AHNAK2: variants seen among roughly 807,000 people sequenced by gnomAD.
The protein encoded by AHNAK2 is AHNAK nucleoprotein 2.
A neutral mutation model predicts 30.7 loss-of-function variants in AHNAK2; 18 were observed. The ratio of observed to expected loss-of-function variants is 0.59; its 90% confidence interval spans 0.41 to 0.87. The LOEUF (loss-of-function observed/expected upper bound fraction) is 0.87, where lower values mean the gene tolerates loss of function less well. Among genes scored for constraint, AHNAK2 ranks in the 40% least tolerant of loss-of-function variants. The pLI is 0.00. For synonymous variants in AHNAK2, 3,590 were observed against 3,073.8 expected, an observed-to-expected ratio of 1.17 and a Z score of -5.56; for missense variants, 8,604 against 7,373.0, an observed-to-expected ratio of 1.17 and a Z score of -6.11.
Position 104,951,647 on chromosome 14 carries a change from G to A in AHNAK2, c.3804C>T (p.Val1268=), listed in dbSNP as rs780736933. 8.8e-6 allele frequency: 11 copies of A among 1,246,214 alleles called. 4 individuals carry two copies. Among genetic ancestry groups the A allele is most frequent in the South Asian group, 4.3e-5 (3 of 70,032 alleles). 77.2% of individuals were successfully genotyped at this position (1,246,214 alleles called of 1,614,324 possible). Residue 1268 remains valine, a synonymous_variant, in exon 7 of 7, where the codon GTC becomes GTT. Coordinates refer to ENST00000333244, the MANE Select transcript of AHNAK2 (RefSeq NM_138420.4). ...CTTTCAGGTCCAGCTTGGGGCCCCT[G>A]ACTTCCACCTGGGGGCCCTTGAGGT... The part of the protein sequence containing the change: ...KVDLKGPQVE[V]RGPKLDLKGH...
chr14:104,952,093 G>A lies in AHNAK2; in HGVS notation c.3358C>T (p.Pro1120Ser), dbSNP rs372755911. ...CTGGGCAGAGACACCTCCACATCAG[G>A]GGCTGTGACTTCCGCCTTGGGGCTT... The part of the protein sequence containing the change: ...LKSPKAEVTA[P>S]DVEVSLPSVE... Residue 1120 changes from proline (P) to serine (S), a missense_variant, in exon 7 of 7, where the codon CCT becomes TCT. By Grantham distance (74) the Pro-to-Ser change is moderately conservative. Coordinates refer to ENST00000333244, the MANE Select transcript of AHNAK2 (RefSeq NM_138420.4). 2.2e-5 allele frequency: 35 copies of A among 1,612,642 alleles called. 1 individual carries two copies. In the Middle Eastern group the frequency reaches 3.5e-3, roughly 160 times the overall value.
chr14:104,967,577 C>A (rs1398545808), intron 1 of AHNAK2, among the ~76,000 whole-genome samples: 2 of 152,210 alleles, frequency 1.3e-5, no homozygotes, highest in South Asian at 2.1e-4. Context: ...CTGGCCCACG[C>A]GGGACAGTCC....
At chr14:104,962,021 G>GCAAAACTGAAAAAC (rs1286063178) in intron 1 of AHNAK2, among the ~76,000 whole-genome samples, 1 of 152,114 alleles carries the variant, frequency 6.6e-6, no homozygotes, top group Non-Finnish European at 1.5e-5. Context: ...TTGAAACACT[G>GCAAAACTGAAAAAC]CAGTAAAAAC....
In AHNAK2 at chr14:104,938,836, T is replaced by A; in HGVS notation, c.16615A>T (p.Thr5539Ser). 6.2e-7 allele frequency: 1 copy of A among 1,613,812 alleles called. No individual in the cohort carries two copies. The highest frequency in any genetic ancestry group is 1.1e-5 in the South Asian group (1 of 91,070). ...CCCTCCTGAGTCCTAGAGTGTTGAG[T>A]CATTGTTGTGTACACTCTAGCCTGC... ...HTQARVYTTM[T>S]QHSRTQEGTE... is the part of the protein sequence containing the mutation. The change falls in exon 7 of 7, where the codon ACT becomes TCT. Residue 5539 changes from threonine (T) to serine (S), a missense_variant. Transcript: ENST00000333244.
At position 104,942,642 on chromosome 14, in the gene AHNAK2, G is replaced by A. The variant is rs1566898865; in HGVS notation, c.12809C>T (p.Ala4270Val). Residue 4270 changes from alanine (A) to valine (V), a missense_variant, in exon 7 of 7, where the codon GCC (alanine) becomes GTC (valine). Coordinates refer to ENST00000333244, the MANE Select transcript of AHNAK2 (RefSeq NM_138420.4). ...SLPSMEVDVE[A>V]PGAKLDSVRL... ...CACACTGTCCAGCTTGGCTCCCGGG[G>A]CCTCGACGTCCACCTCCATGCTGGG... 4 of 1,613,372 alleles carry A rather than the reference G, an allele frequency of 2.5e-6. No individual in the cohort carries two copies. Among genetic ancestry groups the A allele is most frequent in the Non-Finnish European group, 3.4e-6 (4 of 1,179,692 alleles).
chr14:104,956,093 C>T (rs1898967222), intron 4 of AHNAK2, among the ~76,000 whole-genome samples: 1 of 152,162 alleles, frequency 6.6e-6, no homozygotes, highest in Admixed American at 6.5e-5. Flanking sequence ...AGACCTGGGA[C>T]AGGATGGGGC....
chr14:104,947,733 C>T lies in AHNAK2; in HGVS notation c.7718G>A (p.Ser2573Asn). 1 of 1,612,716 alleles carries T rather than the reference C, an allele frequency of 6.2e-7. No homozygotes were observed. The highest frequency in any genetic ancestry group is 1.3e-5 in the African/African-American group (1 of 74,572). ...GAGGTCCATTTCAGGCATCTTGAAA[C>T]TGGGCATCTGCACCTTGGGCAGGTG... is the stretch of plus-strand genomic sequence containing the variant. ...KGHLPKVQMPSFKMPEMDLKG... is the reference protein window; with the variant it reads ...KGHLPKVQMPNFKMPEMDLKG... The change falls in exon 7 of 7, where the codon AGT becomes AAT. Residue 2573 changes from serine to asparagine, a missense_variant. Ser to Asn is a conservative substitution (Grantham distance 46, BLOSUM62 1). Coordinates refer to ENST00000333244, the MANE Select transcript of AHNAK2 (RefSeq NM_138420.4).
At position 104,944,766 on chromosome 14, in the gene AHNAK2, G is replaced by A. The variant is rs372078377; in HGVS notation, c.10685C>T (p.Pro3562Leu). 202 of 1,611,968 alleles carry A rather than the reference G, an allele frequency of 1.3e-4. No homozygotes were observed. Among genetic ancestry groups the A allele is most frequent in the Non-Finnish European group, 1.5e-4 (180 of 1,179,274 alleles). ...GTCCACTTTGGGCGTCTTTAAACTG[G>A]GCATCTCCACTTTGGGCAGGTGCCC... is the stretch of plus-strand genomic sequence containing the variant. ...LKGHLPKVEMPSLKTPKVDLK... is the reference protein window; with the variant it reads ...LKGHLPKVEMLSLKTPKVDLK... The change falls in exon 7 of 7, where the codon CCC (proline) becomes CTC (leucine). Residue 3562 changes from proline (P) to leucine (L), a missense_variant. By Grantham distance (98) the Pro-to-Leu change is moderately conservative (BLOSUM62 -3). Transcript: ENST00000333244.
chr14:104,940,353 G>A lies in AHNAK2; in HGVS notation c.15098C>T (p.Ala5033Val), dbSNP rs765299106. 129 of 1,613,700 alleles carry A rather than the reference G, an allele frequency of 8.0e-5. No individual in the cohort carries two copies. Among genetic ancestry groups the A allele is most frequent in the Non-Finnish European group, 1.0e-4 (123 of 1,179,892 alleles). ...MPKLALPKMK[A>V]SKSGVSLPQR... ...TGGCAGGCTGACCCCACTCTTAGAA[G>A]CCTTCATTTTGGGAAGTGCAAGTTT... The change falls in exon 7 of 7, where the codon GCT (alanine) becomes GTT (valine). Residue 5033 changes from alanine to valine, a missense_variant. Transcript: ENST00000333244. This position sits in a 1 kb window ranked among gnomAD's most constrained non-coding sequence, Gnocchi z 4.4.
At chr14:104,956,831 G>A (rs1056723698) in intron 3 of AHNAK2, 142 bp from the exon 4 acceptor site, 76 of 741,418 alleles carry the variant, frequency 1.0e-4, no homozygotes, top group Admixed American at 6.9e-5. Context: ...AGAGGCAGCC[G>A]AGTTCCTCCA....
In AHNAK2 at chr14:104,942,768, T is replaced by G; in HGVS notation, c.12683A>C (p.Lys4228Thr). The G allele has an allele frequency of 6.2e-7, 1 of 1,612,670 alleles. No individual in the cohort carries two copies. Among genetic ancestry groups the G allele is most frequent in the Middle Eastern group, 1.7e-4 (1 of 6,052 alleles). The change falls in exon 7 of 7, where the codon AAA becomes ACA. Residue 4228 changes from lysine to threonine, a missense_variant. By Grantham distance (78) the Lys-to-Thr change is moderately conservative. Transcript: ENST00000333244. ...KVQMPCLKMP[K>T]VALKGPQVDV... is the part of the protein sequence containing the mutation. The stretch of plus-strand genomic sequence containing the variant: ...CACCTGGGGGCCCTTGAGGGCCACT[T>G]TGGGCATCTTCAAACAGGGCATCTG...
intron 1 of AHNAK2, among the ~76,000 whole-genome samples, chr14:104,972,596 G>A (rs886223416): frequency 3.3e-5 from 5 of 152,208 alleles, no homozygotes; most frequent in South Asian, 2.1e-4. Context: ...CGCTGGCCAC[G>A]CAAGCCCTTC....
chr14:104,968,383 G>A (rs531023410), intron 1 of AHNAK2, among the ~76,000 whole-genome samples: 18 of 152,268 alleles, frequency 1.2e-4, no homozygotes, highest in African/African-American at 4.1e-4. Flanking sequence ...TCTGGGGGAC[G>A]AGCAGATCCT....
rs372969166 is a variant in AHNAK2 at position 104,946,486 on chromosome 14, C to T, written c.8965G>A (p.Gly2989Arg). Residue 2989 changes from glycine (G) to arginine (R), a missense_variant, in exon 7 of 7, where the codon GGG becomes AGG. Transcript: ENST00000333244. The part of the protein sequence containing the change: ...KMPKFKMPSF[G>R]VSAPGKSIEV... ...ATGGACTTGCCTGGGGCAGACACCC[C>T]GAACGACGGCATCTTGAACTTGGGC... 6 of 1,612,016 alleles carry T rather than the reference C, an allele frequency of 3.7e-6. No individual in the cohort carries two copies. The African/African-American group carries it at 4.0e-5, about 11-fold the overall frequency.
chr14:104,968,442 C>T (rs28583515), intron 1 of AHNAK2, among the ~76,000 whole-genome samples: 12,391 of 152,154 alleles, frequency 0.081, 1,363 homozygotes, highest in East Asian at 0.5. Flanking sequence ...GGAACACAGG[C>T]GGGGAGTGTG....
At position 104,949,280 on chromosome 14, in the gene AHNAK2, C is replaced by T. The variant is rs149336072; in HGVS notation, c.6171G>A (p.Pro2057=). ...CAGCTCCCTCGGGCACGTGGCCCTC[C>T]GGGAGCTTCACATCCACCTGGCCAG... ...VQTGQVDVKL[P]EGHVPEGAGL... is the part of the protein sequence containing the mutation. Residue 2057 remains proline (P), a synonymous_variant, in exon 7 of 7, where the codon CCG becomes CCA. Coordinates refer to ENST00000333244, the MANE Select transcript of AHNAK2 (RefSeq NM_138420.4). 4.5e-3 allele frequency: 4,846 copies of T among 1,065,326 alleles called. 1,092 individuals are homozygous for T. Among genetic ancestry groups the T allele is most frequent in the African/African-American group, 0.045 (3,095 of 69,284 alleles). The allele number at this position is 1,065,326 out of a possible 1,614,324, so 66.0% of individuals were successfully genotyped here. A position where few individuals can be genotyped will look rare whatever the true frequency, so the allele number is the denominator to read the frequency against.
Position 104,954,865 on chromosome 14 carries a change from C to G in AHNAK2, c.652-66G>C, listed in dbSNP as rs541505243. 6.5e-7 allele frequency: 1 copy of G among 1,539,188 alleles called. No individual in the cohort carries two copies. Among genetic ancestry groups the G allele is most frequent in the Non-Finnish European group, 8.7e-7 (1 of 1,145,658 alleles). On this transcript the variant is annotated intron_variant, in intron 6 of 6. Coordinates refer to ENST00000333244, the MANE Select transcript of AHNAK2 (RefSeq NM_138420.4). The surrounding 1 kb of genome is among the most constrained non-coding windows in gnomAD (Gnocchi z 4.3). ...GAAGCCTGGGGCCCTGGCCCAGGGA[C>G]AGATGGAGTGGGAGTGCTATCCCCT...
rs948918668 is a variant in AHNAK2, at chr14:104,946,491, G to A, written c.8960C>T (p.Ser2987Leu). Reference sequence around the variant, plus strand: ...CTTGCCTGGGGCAGACACCCCGAACGACGGCATCTTGAACTTGGGCATTTT... The same window carrying A: ...CTTGCCTGGGGCAGACACCCCGAACAACGGCATCTTGAACTTGGGCATTTT... ...KFKMPKFKMP[S>L]FGVSAPGKSI... The change falls in exon 7 of 7, where the codon TCG (serine) becomes TTG (leucine). Residue 2987 changes from serine (S) to leucine (L), a missense_variant. Ser to Leu is a moderately radical substitution (Grantham distance 145). Transcript: ENST00000333244. 19 of 1,611,768 alleles carry A rather than the reference G, an allele frequency of 1.2e-5. No homozygotes were observed. Among genetic ancestry groups the A allele is most frequent in the Middle Eastern group, 1.7e-4 (1 of 6,052 alleles).
chr14:104,974,659 T>C (rs530033084), intron 1 of AHNAK2, among the ~76,000 whole-genome samples: 20 of 152,356 alleles, frequency 1.3e-4, no homozygotes, highest in African/African-American at 3.8e-4. Flanking sequence ...TCTGCTGAGC[T>C]ATGACCTCCC....
Sources: gnomAD v4.1 joint callset for allele counts (sites outside exome capture counted in the v4.1 genomes callset) on GRCh38, gnomAD v4.1.1 for gene constraint, Gnocchi (gnomAD v3.1) non-coding constraint, MANE v1.5 for transcripts, NCBI Gene and HGNC (gene_info 2026-07-23, HGNC 2026-07-21) for gene names.